The following PTH2R variants were observed in gnomAD, a reference collection of about 807,000 sequenced individuals.
The protein encoded by PTH2R is PTH2 receptor.
A neutral mutation model predicts 60.3 loss-of-function variants in PTH2R; 59 were observed. That is an observed-to-expected ratio of 0.98 (90% confidence interval 0.79 to 1.22). The LOEUF is 1.22. PTH2R is among the 50% of genes most tolerant of loss of function. PTH2R has a pLI of 0.00. For missense variants in PTH2R, 749 were observed against 682.6 expected (o/e 1.10, Z -1.08); for synonymous variants, 256 against 243.8 (o/e 1.05, Z -0.47).
intron 12 of PTH2R, 68 bp from the exon 13 acceptor site, chr2:208,493,196 A>T (rs1703445266): frequency 1.5e-6 from 2 of 1,378,934 alleles, no homozygotes; most frequent in Non-Finnish European, 1.9e-6. Context: ...CAAGGCAAAC[A>T]TCTTTGTAAC....
chr2:208,377,642 C>T (rs1225356784), intron 1 of PTH2R, among the ~76,000 whole-genome samples: 1 of 151,504 alleles, frequency 6.6e-6, no homozygotes, highest in Admixed American at 6.6e-5. Flanking sequence ...CAGAGGGGCT[C>T]CTCACTTCTC....
At chr2:208,492,049 G>A (rs948989442) in intron 12 of PTH2R, among the ~76,000 whole-genome samples, 2 of 152,200 alleles carry the variant, frequency 1.3e-5, no homozygotes, top group Non-Finnish European at 2.9e-5. Flanking sequence ...CAGCATACTG[G>A]ATTTCCACTG....
intron 7 of PTH2R, among the ~76,000 whole-genome samples, 195 bp from the exon 8 acceptor site, chr2:208,450,554 T>C (rs1702383316): frequency 6.6e-6 from 1 of 152,196 alleles, no homozygotes; most frequent in African/African-American, 2.4e-5. Flanking sequence ...ACAAATAACA[T>C]CAATATTCTT....
At chr2:208,377,466 C>CA (rs1553540292) in intron 1 of PTH2R, among the ~76,000 whole-genome samples, 3 of 150,916 alleles carry the variant, frequency 2.0e-5, no homozygotes, top group South Asian at 2.1e-4. Flanking sequence ...AGGTGCCCCC[C>CA]ACCTCCCGGA....
At chr2:208,448,123 C>T (rs1702326822) in intron 7 of PTH2R, among the ~76,000 whole-genome samples, 1 of 151,910 alleles carries the variant, frequency 6.6e-6, no homozygotes, top group Non-Finnish European at 1.5e-5. Context: ...GGAAACAGTC[C>T]CACACTCCCA....
intron 2 of PTH2R, among the ~76,000 whole-genome samples, chr2:208,432,179 G>A (rs1272096189): frequency 6.6e-6 from 1 of 152,174 alleles, no homozygotes; most frequent in Non-Finnish European, 1.5e-5. Context: ...GAGCTAGAAG[G>A]TATTTCAGAG....
At chr2:208,392,276 A>T (rs1701121636) in intron 1 of PTH2R, among the ~76,000 whole-genome samples, 1 of 152,078 alleles carries the variant, frequency 6.6e-6, no homozygotes, top group South Asian at 2.1e-4. Flanking sequence ...GGGTTTCTGC[A>T]CTCCTAATAT....
chr2:208,399,629 G>GT (rs941616338), intron 1 of PTH2R, among the ~76,000 whole-genome samples: 1 of 152,136 alleles, frequency 6.6e-6, no homozygotes, highest in African/African-American at 2.4e-5. Flanking sequence ...GTGCATCTGT[G>GT]TGACTCCACT....
Position 208,489,039 on chromosome 2 carries a change from G to A in PTH2R, c.1104G>A (p.Leu368=), listed in dbSNP as rs780120111. The A allele has an allele frequency of 5.4e-5, 87 of 1,613,964 alleles. No individual in the cohort carries two copies. The highest frequency in any genetic ancestry group is 7.1e-5 in the Non-Finnish European group (84 of 1,180,010). ...AACTGGCCAAATCGACACTGGTCCT[G>A]GTCCTAGTCTTTGGAGTGCATTACA... is the stretch of plus-strand genomic sequence containing the variant. The part of the protein sequence containing the change: ...YRKLAKSTLV[L]VLVFGVHYIV... Residue 368 remains leucine (L), a synonymous_variant, in exon 11 of 13, where the codon CTG becomes CTA. Transcript: ENST00000272847.
chr2:208,493,142 C>A, intron 12 of PTH2R, 122 bp from the exon 13 acceptor site: 1 of 1,078,898 alleles, frequency 9.3e-7, no homozygotes, highest in Non-Finnish European at 1.3e-6. Flanking sequence ...AAGTCCCTGG[C>A]ACGTAGAGGA....
At chr2:208,409,891 T>C (rs1422587848) in intron 1 of PTH2R, among the ~76,000 whole-genome samples, 1 of 152,142 alleles carries the variant, frequency 6.6e-6, no homozygotes, top group African/African-American at 2.4e-5. Flanking sequence ...TAACAGACTG[T>C]AGGATGGAAT....
At chr2:208,459,071 A>T (rs1173274592) in intron 8 of PTH2R, among the ~76,000 whole-genome samples, 4 of 152,066 alleles carry the variant, frequency 2.6e-5, no homozygotes, top group Middle Eastern at 3.2e-3. Flanking sequence ...ACTCCCACCA[A>T]CAGCATATAA....
At chr2:208,483,591 C>G (rs1247273671) in intron 10 of PTH2R, among the ~76,000 whole-genome samples, 3 of 152,092 alleles carry the variant, frequency 2.0e-5, no homozygotes, top group Non-Finnish European at 2.9e-5. Flanking sequence ...TTTCCAAGAA[C>G]AATTGAAGAG....
chr2:208,464,605 T>C (rs1702703409), intron 9 of PTH2R, among the ~76,000 whole-genome samples: 1 of 152,218 alleles, frequency 6.6e-6, no homozygotes, highest in Non-Finnish European at 1.5e-5. Context: ...TGGGCCAGGC[T>C]GTCTTTGTTA....
intron 1 of PTH2R, among the ~76,000 whole-genome samples, chr2:208,363,803 G>T (rs571361228): frequency 3.3e-5 from 5 of 152,108 alleles, no homozygotes; most frequent in African/African-American, 1.2e-4. Flanking sequence ...CTTGTTGGCC[G>T]CATGTGTCTT....
chr2:208,410,298 A>G (rs925248788), intron 1 of PTH2R, among the ~76,000 whole-genome samples: 1 of 152,192 alleles, frequency 6.6e-6, no homozygotes, highest in Non-Finnish European at 1.5e-5. Context: ...TATAAATGAG[A>G]AAATGGGGCT....
intron 12 of PTH2R, 101 bp from the exon 13 acceptor site, chr2:208,493,163 A>G: frequency 2.4e-6 from 3 of 1,260,322 alleles, no homozygotes; most frequent in Non-Finnish European, 3.1e-6. Context: ...ACCTCAATCA[A>G]TGATTATTGC....
chr2:208,414,903 T>TA (rs928293870), intron 1 of PTH2R, among the ~76,000 whole-genome samples: 18 of 150,778 alleles, frequency 1.2e-4, no homozygotes, highest in African/African-American at 3.2e-4. Flanking sequence ...GAGAAAACCA[T>TA]AAAAAAAAAC....
chr2:208,361,584 C>T (rs796503504), intron 1 of PTH2R, among the ~76,000 whole-genome samples: 4 of 152,218 alleles, frequency 2.6e-5, no homozygotes, highest in African/African-American at 9.6e-5. Context: ...AACTAAATAA[C>T]TCCTCTTTCC....
Sources: gnomAD v4.1 joint callset for allele counts (sites outside exome capture counted in the v4.1 genomes callset) on GRCh38, gnomAD v4.1.1 for gene constraint, MANE v1.5 for transcripts, NCBI Gene and HGNC (gene_info 2026-07-23, HGNC 2026-07-21) for gene names.